The following CCDC192 variants were observed in gnomAD, a reference collection of about 807,000 sequenced individuals.
CCDC192 encodes coiled-coil domain containing 192, also known as coiled-coil domain-containing protein 192.
At chr5:127,752,002 A>T (rs978301686) in intron 2 of CCDC192, among the ~76,000 whole-genome samples, 1 of 151,754 alleles carries the variant, frequency 6.6e-6, no homozygotes, top group African/African-American at 2.4e-5. Context: ...TGGTTATTCT[A>T]GTTATACATT....
At chr5:127,833,402 A>G (rs1230986695) in intron 5 of CCDC192, among the ~76,000 whole-genome samples, 2 of 152,132 alleles carry the variant, frequency 1.3e-5, no homozygotes, top group Non-Finnish European at 2.9e-5. Context: ...ACTGATTTGA[A>G]CTTCTTTGAA....
chr5:127,800,401 AC>A (rs1425451841), intron 5 of CCDC192, among the ~76,000 whole-genome samples: 905 of 83,300 alleles, frequency 0.011, 52 homozygotes, highest in African/African-American at 0.028. Context: ...AAAAAAAAAA[AC>A]AACAACAACA....
intron 2 of CCDC192, among the ~76,000 whole-genome samples, chr5:127,741,513 C>T (rs1295508328): frequency 6.6e-6 from 1 of 152,172 alleles, no homozygotes; most frequent in East Asian, 1.9e-4. Flanking sequence ...GGTGTGCTTA[C>T]TGTATGTGTG....
At chr5:127,716,192 T>G (rs1378963214) in intron 2 of CCDC192, among the ~76,000 whole-genome samples, 1 of 152,196 alleles carries the variant, frequency 6.6e-6, no homozygotes, top group Non-Finnish European at 1.5e-5. Flanking sequence ...GAGTAATGTT[T>G]ATTGATTTGT....
At chr5:127,706,604 AT>A (rs968096944) in intron 1 of CCDC192, among the ~76,000 whole-genome samples, 1 of 151,194 alleles carries the variant, frequency 6.6e-6, no homozygotes, top group African/African-American at 2.4e-5. Flanking sequence ...TGTGAGGTTT[AT>A]TAGATAATTC....
chr5:127,801,675 A>G (rs1421108577), intron 5 of CCDC192, among the ~76,000 whole-genome samples: 3 of 152,160 alleles, frequency 2.0e-5, no homozygotes, highest in Admixed American at 6.6e-5. Context: ...CTTCTCCCTT[A>G]GTCCCCAGAT....
At chr5:127,797,535 T>G (rs1394903254) in intron 4 of CCDC192, among the ~76,000 whole-genome samples, 1 of 151,762 alleles carries the variant, frequency 6.6e-6, no homozygotes, top group African/African-American at 2.4e-5. Flanking sequence ...TAGTTGTTAA[T>G]GTTGGAGTGT....
intron 3 of CCDC192, among the ~76,000 whole-genome samples, chr5:127,779,327 G>C (rs1307751228): frequency 6.6e-6 from 1 of 151,854 alleles, no homozygotes; most frequent in African/African-American, 2.4e-5. Flanking sequence ...ATGGAGTCTT[G>C]CTCTGTCACC....
Position 127,785,030 on chromosome 5 carries a change from A to T in CCDC192, c.223-12073A>T. On this transcript the variant is annotated intron_variant, in intron 3 of 6. Coordinates refer to ENST00000514853, the MANE Select transcript of CCDC192 (RefSeq NM_001317938.2). The stretch of plus-strand genomic sequence containing the variant: ...AACTTTAATAAAATCTGTAGGACTT[A>T]TGCCAAAATGTCCATTTTAATTTGA... The T allele has an allele frequency of 8.3e-6, 4 of 482,942 alleles. 1 individual carries two copies. Among genetic ancestry groups the T allele is most frequent in the South Asian group, 6.2e-5 (4 of 64,176 alleles). 29.9% of individuals were successfully genotyped at this position (482,942 alleles called of 1,614,324 possible). A position where few individuals can be genotyped will look rare whatever the true frequency, so the allele number is the denominator to read the frequency against.
At chr5:127,821,733 C>A (rs1580710569) in intron 5 of CCDC192, among the ~76,000 whole-genome samples, 1 of 152,132 alleles carries the variant, frequency 6.6e-6, no homozygotes, top group Admixed American at 6.5e-5. Context: ...TCCTTAGACC[C>A]AATGATGTTT....
chr5:127,876,263 C>T (rs1752074850), intron 6 of CCDC192, among the ~76,000 whole-genome samples: 1 of 150,702 alleles, frequency 6.6e-6, no homozygotes. Flanking sequence ...AACAAAAAAA[C>T]TCCAAATCTC....
intron 5 of CCDC192, among the ~76,000 whole-genome samples, chr5:127,865,915 T>C (rs901600565): frequency 6.6e-6 from 1 of 152,110 alleles, no homozygotes; most frequent in African/African-American, 2.4e-5. Flanking sequence ...TTTCTCTAAA[T>C]AAAGAACAGG....
At chr5:127,770,919 A>AT (rs1337921340) in intron 3 of CCDC192, among the ~76,000 whole-genome samples, 2 of 152,148 alleles carry the variant, frequency 1.3e-5, no homozygotes, top group African/African-American at 2.4e-5. Flanking sequence ...TGCCTGCTTT[A>AT]TTTGGAGAAT....
At chr5:127,863,588 G>C (rs1192784642) in intron 5 of CCDC192, among the ~76,000 whole-genome samples, 2 of 151,986 alleles carry the variant, frequency 1.3e-5, no homozygotes, top group Non-Finnish European at 2.9e-5. Flanking sequence ...ATGGGTATTG[G>C]ACAGTTTTGC....
chr5:127,928,396 C>T (rs553464405), intron 6 of CCDC192, among the ~76,000 whole-genome samples: 2 of 152,336 alleles, frequency 1.3e-5, no homozygotes, highest in East Asian at 3.9e-4. Context: ...GCCCCTGTCT[C>T]TGTGTTCAGA....
chr5:127,825,869 C>G (rs1380502889), intron 5 of CCDC192, among the ~76,000 whole-genome samples: 1 of 152,186 alleles, frequency 6.6e-6, no homozygotes, highest in African/African-American at 2.4e-5. Flanking sequence ...CTTGGCAGTA[C>G]TAGCAAGCTA....
intron 5 of CCDC192, among the ~76,000 whole-genome samples, chr5:127,875,224 C>A (rs1277382770): frequency 6.6e-6 from 1 of 152,056 alleles, no homozygotes; most frequent in African/African-American, 2.4e-5. Flanking sequence ...TGGCAAATGC[C>A]AACTGGCAAG....
chr5:127,783,668 TTTGTTG>T (rs745946001), intron 3 of CCDC192, among the ~76,000 whole-genome samples: 4 of 152,048 alleles, frequency 2.6e-5, no homozygotes, highest in Non-Finnish European at 4.4e-5. Flanking sequence ...AAATCCATTG[TTTGTTG>T]TTGTTGTTGT....
intron 5 of CCDC192, among the ~76,000 whole-genome samples, chr5:127,847,134 T>C (rs1750589129): frequency 1.3e-5 from 2 of 152,354 alleles, no homozygotes; most frequent in Admixed American, 6.5e-5. Context: ...CACAATCTAA[T>C]CTCTTGCTAT....
Sources: gnomAD v4.1 joint callset for allele counts (sites outside exome capture counted in the v4.1 genomes callset) on GRCh38, gnomAD v4.1.1 for gene constraint, MANE v1.5 for transcripts, NCBI Gene and HGNC (gene_info 2026-07-23, HGNC 2026-07-21) for gene names.